PPARGC1A: variants seen among roughly 807,000 people sequenced by gnomAD.
PPARGC1A encodes the protein peroxisome proliferator-activated receptor gamma coactivator 1-alpha.
Under a neutral mutation model 88.7 loss-of-function variants are expected in PPARGC1A, and 25 were observed. The ratio of observed to expected loss-of-function variants is 0.28; its 90% confidence interval spans 0.21 to 0.39. PPARGC1A has a LOEUF of 0.39. PPARGC1A is among the 10% of genes least tolerant of loss of function. The pLI is 1.00. For synonymous variants in PPARGC1A, 363 were observed against 355.6 expected (o/e 1.02, Z -0.24); for missense variants, 880 against 968.7 (o/e 0.91, Z 1.22).
the PPARGC1A span, among the ~76,000 whole-genome samples, chr4:24,056,421 A>T: frequency 2.6e-5 from 4 of 152,304 alleles, no homozygotes; most frequent in South Asian, 8.3e-4. Flanking sequence ...CTTTGCTTAG[A>T]ATAATAAAGG....
At chr4:24,199,785 C>T in the PPARGC1A span, among the ~76,000 whole-genome samples, 1 of 152,194 alleles carries the variant, frequency 6.6e-6, no homozygotes, top group Admixed American at 6.5e-5. Context: ...ATTAGTATAG[C>T]CTTTTTGGAA....
the PPARGC1A span, among the ~76,000 whole-genome samples, chr4:24,038,023 C>T: frequency 1.3e-5 from 2 of 152,154 alleles, no homozygotes; most frequent in Non-Finnish European, 2.9e-5. Flanking sequence ...CCACTTTCTT[C>T]CAGCACAATT....
At chr4:23,915,090 A>T in the PPARGC1A span, among the ~76,000 whole-genome samples, 1 of 152,204 alleles carries the variant, frequency 6.6e-6, no homozygotes, top group African/African-American at 2.4e-5. Context: ...TTCGAGCTGG[A>T]GGAAAATAGC....
At chr4:23,997,771 C>G in the PPARGC1A span, among the ~76,000 whole-genome samples, 1 of 152,028 alleles carries the variant, frequency 6.6e-6, no homozygotes, top group Admixed American at 6.6e-5. Flanking sequence ...GGATTACAGG[C>G]GTGAGCCACC....
chr4:24,409,384 C>T, the PPARGC1A span, among the ~76,000 whole-genome samples: 4 of 152,216 alleles, frequency 2.6e-5, no homozygotes, highest in Admixed American at 2.6e-4. Context: ...AGCTGAGATT[C>T]CTTTGGCACA....
chr4:24,319,790 C>T, the PPARGC1A span, among the ~76,000 whole-genome samples: 24 of 152,298 alleles, frequency 1.6e-4, no homozygotes, highest in African/African-American at 4.8e-4. Flanking sequence ...CCTCCTATTA[C>T]GCTGTTGCAG....
At chr4:24,077,629 GTGTGT>G in the PPARGC1A span, among the ~76,000 whole-genome samples, 1 of 75,366 alleles carries the variant, frequency 1.3e-5, no homozygotes, top group African/African-American at 6.1e-5. Flanking sequence ...CTAGGGGTGT[GTGTGT>G]GTGTGTGTGT....
At chr4:24,134,029 C>A in the PPARGC1A span, among the ~76,000 whole-genome samples, 1 of 152,154 alleles carries the variant, frequency 6.6e-6, no homozygotes, top group South Asian at 2.1e-4. Flanking sequence ...CTAGCTCATT[C>A]AACAACACAG....
chr4:23,857,346 CTATT>C (rs1730350780), intron 2 of PPARGC1A, among the ~76,000 whole-genome samples: 1 of 130,802 alleles, frequency 7.6e-6, no homozygotes, highest in African/African-American at 2.9e-5. Flanking sequence ...TTCATAAAAT[CTATT>C]TAGTATGTGC....
At chr4:23,957,784 T>C in the PPARGC1A span, among the ~76,000 whole-genome samples, 1 of 152,088 alleles carries the variant, frequency 6.6e-6, no homozygotes, top group Admixed American at 6.6e-5. Flanking sequence ...CACATACACA[T>C]AACAAGCATA....
the PPARGC1A span, among the ~76,000 whole-genome samples, chr4:24,260,904 C>G: frequency 1.3e-5 from 2 of 152,116 alleles, no homozygotes; most frequent in South Asian, 4.1e-4. Flanking sequence ...GCCCTTGTAG[C>G]TAGAGGCCAC....
the PPARGC1A span, among the ~76,000 whole-genome samples, chr4:24,038,403 C>T: frequency 1.4e-4 from 21 of 152,280 alleles, no homozygotes; most frequent in South Asian, 4.4e-3. Context: ...CACCTATCCT[C>T]CATAACTTGG....
the PPARGC1A span, among the ~76,000 whole-genome samples, chr4:24,278,028 A>C: frequency 6.6e-6 from 1 of 152,056 alleles, no homozygotes; most frequent in Admixed American, 6.6e-5. Context: ...TTTGAAAATA[A>C]GACCGGCGTG....
chr4:23,913,265 T>TAGAGAG, the PPARGC1A span, among the ~76,000 whole-genome samples: 23 of 58,772 alleles, frequency 3.9e-4, no homozygotes, highest in Non-Finnish European at 4.4e-4. Flanking sequence ...TATATATATA[T>TAGAGAG]ATAGAGAGAG....
At chr4:24,316,152 T>C in the PPARGC1A span, among the ~76,000 whole-genome samples, 1 of 152,228 alleles carries the variant, frequency 6.6e-6, no homozygotes, top group Admixed American at 6.5e-5. Context: ...TTGGTCTATC[T>C]GAAAGATCAC....
the PPARGC1A span, among the ~76,000 whole-genome samples, chr4:24,293,970 T>G: frequency 2.0e-5 from 3 of 152,194 alleles, no homozygotes; most frequent in African/African-American, 7.2e-5. Flanking sequence ...TGCATTGAGT[T>G]AATTTATATA....
At chr4:24,302,403 G>T in the PPARGC1A span, among the ~76,000 whole-genome samples, 40 of 152,298 alleles carry the variant, frequency 2.6e-4, no homozygotes, top group African/African-American at 8.2e-4. Context: ...GCAGGCTGTG[G>T]TTATGAATGG....
At chr4:24,358,866 T>C in the PPARGC1A span, among the ~76,000 whole-genome samples, 2 of 152,132 alleles carry the variant, frequency 1.3e-5, no homozygotes, top group Non-Finnish European at 2.9e-5. Flanking sequence ...AGCAGGTAGG[T>C]TGTGTGAAGA....
chr4:23,892,783 A>G (rs1219183176), upstream of PPARGC1A, among the ~76,000 whole-genome samples: 2 of 152,178 alleles, frequency 1.3e-5, no homozygotes, highest in East Asian at 1.9e-4. Flanking sequence ...ACAGCCATGT[A>G]TCACAAGGAC....
Sources: gnomAD v4.1 joint callset for allele counts (sites outside exome capture counted in the v4.1 genomes callset) on GRCh38, gnomAD v4.1.1 for gene constraint, MANE v1.5 for transcripts, NCBI Gene and HGNC (gene_info 2026-07-23, HGNC 2026-07-21) for gene names.